The following ATP2B4 variants were observed in gnomAD, a reference collection of about 807,000 sequenced individuals.
ATP2B4 encodes the protein ATPase plasma membrane Ca2+ transporting 4.
Under a neutral mutation model 110.3 loss-of-function variants are expected in ATP2B4, and 39 were observed. The ratio of observed to expected loss-of-function variants is 0.35; its 90% CI spans 0.27 to 0.46. The LOEUF is 0.46. Among genes scored for constraint, ATP2B4 ranks in the 20% least tolerant of loss-of-function variants. The pLI, the probability that ATP2B4 is intolerant of heterozygous loss-of-function variation, is 1.00. For missense variants in ATP2B4, 1,135 were observed against 1,530.9 expected (o/e 0.74, Z 4.32); for synonymous variants, 538 against 571.7 (o/e 0.94, Z 0.84).
intron 1 of ATP2B4, among the ~76,000 whole-genome samples, chr1:203,627,574 C>G (rs1663126242): frequency 1.3e-5 from 2 of 152,088 alleles, no homozygotes; most frequent in East Asian, 3.9e-4. Flanking sequence ...TCCTGCCCTC[C>G]CCTTCCCCCC....
intron 1 of ATP2B4, among the ~76,000 whole-genome samples, chr1:203,675,965 G>A (rs1664816673): frequency 6.6e-6 from 1 of 152,152 alleles, no homozygotes; most frequent in Non-Finnish European, 1.5e-5. Flanking sequence ...CAGAACTTCA[G>A]GAAGGGAGTA....
rs1314405693 is a variant in ATP2B4 at position 203,705,490 on chromosome 1, C to T, written c.1100-1519C>T. 3.9e-5 allele frequency among the ~76,000 whole-genome samples: 6 copies of T among 152,322 alleles called. No individual in the cohort carries two copies. The East Asian group carries it at 7.7e-4, about 20-fold the overall frequency. ...CTTGGCTCACTGCAACCTCCACCTCCGGGGTTCAAGTGAGTCTCCCGAGTA... is the reference window on the plus strand; with the variant it reads ...CTTGGCTCACTGCAACCTCCACCTCTGGGGTTCAAGTGAGTCTCCCGAGTA... On this transcript the variant is annotated intron_variant, in intron 8 of 20. Transcript: ENST00000357681.
intron 1 of ATP2B4, among the ~76,000 whole-genome samples, chr1:203,670,155 G>T (rs150501391): frequency 6.7e-6 from 1 of 149,972 alleles, no homozygotes; most frequent in Non-Finnish European, 1.5e-5. Flanking sequence ...ATGGCCACTC[G>T]GCTTGAGTTC....
chr1:203,725,255 C>T (rs1174864740), intron 19 of ATP2B4, among the ~76,000 whole-genome samples: 1 of 151,948 alleles, frequency 6.6e-6, no homozygotes, highest in Non-Finnish European at 1.5e-5. Context: ...TCAAGCAATT[C>T]TCCTGCCTCA....
intron 6 of ATP2B4, among the ~76,000 whole-genome samples, chr1:203,701,487 C>T (rs547100934): frequency 2.6e-5 from 4 of 152,340 alleles, no homozygotes; most frequent in Non-Finnish European, 5.9e-5. Context: ...CAAGTCTACA[C>T]GTTTCCCTAA....
At chr1:203,637,012 G>A (rs1248667184) in intron 1 of ATP2B4, among the ~76,000 whole-genome samples, 3 of 152,266 alleles carry the variant, frequency 2.0e-5, no homozygotes, top group South Asian at 2.1e-4. Context: ...TTCCAAGGCC[G>A]TAATTCTGCT....
chr1:203,668,502 A>G (rs1664573360), intron 1 of ATP2B4, among the ~76,000 whole-genome samples: 1 of 152,116 alleles, frequency 6.6e-6, no homozygotes, highest in Admixed American at 6.5e-5. Flanking sequence ...CCCCACCTAG[A>G]GTCCTCAGTG....
At chr1:203,650,579 C>A (rs1663952909) in intron 1 of ATP2B4, among the ~76,000 whole-genome samples, 1 of 152,210 alleles carries the variant, frequency 6.6e-6, no homozygotes, top group Non-Finnish European at 1.5e-5. Flanking sequence ...CTGAGCCCGG[C>A]GCCTGCGGCT....
intron 1 of ATP2B4, among the ~76,000 whole-genome samples, chr1:203,655,929 G>C (rs1664147670): frequency 6.6e-6 from 1 of 151,988 alleles, no homozygotes; most frequent in Non-Finnish European, 1.5e-5. Context: ...TTCTGAGACG[G>C]AGTCTTGCTC....
intron 1 of ATP2B4, among the ~76,000 whole-genome samples, chr1:203,654,916 G>GA (rs55897566): frequency 0.98 from 146,554 of 150,066 alleles, 71,686 homozygotes; most frequent in Middle Eastern, 1. Flanking sequence ...GAAAGAAAAA[G>GA]ATATTCATGA....
chr1:203,728,907 T>G (rs1225911732), intron 20 of ATP2B4, among the ~76,000 whole-genome samples: 1 of 150,108 alleles, frequency 6.7e-6, no homozygotes, highest in Non-Finnish European at 1.5e-5. Context: ...AATCCAGCAC[T>G]TTGGGAGGCC....
intron 2 of ATP2B4, among the ~76,000 whole-genome samples, chr1:203,689,847 A>G (rs537523218): frequency 1.3e-5 from 2 of 152,320 alleles, no homozygotes; most frequent in South Asian, 4.1e-4. Context: ...GTAGGGACCT[A>G]AGCTGAAGGC....
At chr1:203,712,986 A>G (rs1470642028) in intron 13 of ATP2B4, among the ~76,000 whole-genome samples, 179 bp from the exon 14 acceptor site, 2 of 152,182 alleles carry the variant, frequency 1.3e-5, no homozygotes, top group East Asian at 3.9e-4. Context: ...GTCATCATCC[A>G]TGAATCTACC....
Position 203,711,106 on chromosome 1 carries a change from G to C in ATP2B4, c.2029G>C (p.Glu677Gln). The C allele has an allele frequency of 6.2e-7, 1 of 1,614,106 alleles. No individual in the cohort carries two copies. The highest frequency in any genetic ancestry group is 8.5e-7 in the Non-Finnish European group (1 of 1,179,978). ...VVGIEDPVRP[E>Q]VPDAIAKCKQ... ...GGGCATTGAGGACCCTGTGCGCCCA[G>C]AGGTGAGAGGGTGGGAAGCCACCCA... The change falls in exon 12 of 21, where the codon GAG (glutamate) becomes CAG (glutamine). Residue 677 changes from glutamate (E) to glutamine (Q), a missense_variant and splice_region_variant. By Grantham distance (29) the Glu-to-Gln change is conservative. This residue lies in a region of ATP2B4 where 368 missense variants were observed against 455.9 expected (regional missense o/e 0.81). Coordinates refer to ENST00000357681, the MANE Select transcript of ATP2B4 (RefSeq NM_001684.5).
intron 11 of ATP2B4, 70 bp from the exon 12 acceptor site, chr1:203,710,807 C>G (rs1665983282): frequency 8.0e-7 from 1 of 1,254,162 alleles, no homozygotes; most frequent in Non-Finnish European, 1.1e-6. Flanking sequence ...TGCCAAAATA[C>G]CTGTCAATGA....
chr1:203,651,995 G>A (rs895698550), intron 1 of ATP2B4, among the ~76,000 whole-genome samples: 3 of 149,532 alleles, frequency 2.0e-5, no homozygotes, highest in African/African-American at 7.4e-5. Context: ...AAGTGGAGGT[G>A]GCAGTGAGCC....
At chr1:203,710,516 C>T (rs966114949) in intron 11 of ATP2B4, among the ~76,000 whole-genome samples, 1 of 152,252 alleles carries the variant, frequency 6.6e-6, no homozygotes, top group Admixed American at 6.5e-5. Flanking sequence ...AAACCTCCCC[C>T]AAACCACCAG....
At chr1:203,683,527 T>A in intron 2 of ATP2B4, 129 bp downstream of exon 2, 1 of 914,580 alleles carries the variant, frequency 1.1e-6, no homozygotes, top group Non-Finnish European at 1.6e-6. Context: ...GTGGGAAAGG[T>A]ATGGCATCTG....
chr1:203,709,714 G>A (rs974424521), intron 11 of ATP2B4, among the ~76,000 whole-genome samples, 172 bp downstream of exon 11: 1 of 152,192 alleles, frequency 6.6e-6, no homozygotes, highest in African/African-American at 2.4e-5. Context: ...AGTGCTTAAG[G>A]TGGCTTGTTG....
Sources: allele counts gnomAD v4.1 joint callset (sites outside exome capture counted in the v4.1 genomes callset), GRCh38; gene constraint gnomAD v4.1.1; regional missense constraint gnomAD v4.1.1; transcripts MANE v1.5; gene names NCBI Gene and HGNC (gene_info 2026-07-23, HGNC 2026-07-21).